The following AKAP6 variants were observed in gnomAD, a reference collection of about 807,000 sequenced individuals.
AKAP6 encodes the protein A-kinase anchor protein 6.
In AKAP6, 58 loss-of-function variants were observed where a neutral mutation model predicts 188.5. That is an observed-to-expected ratio of 0.31 (90% CI 0.25 to 0.38). The LOEUF (loss-of-function observed/expected upper bound fraction) is 0.38, where lower values mean the gene tolerates loss of function less well. Among genes scored for constraint, AKAP6 ranks in the 10% least tolerant of loss-of-function variants. The pLI is 1.00. For missense variants in AKAP6, 2,710 were observed against 2,740.0 expected (o/e 0.99, Z 0.24); for synonymous variants, 989 against 998.6 (o/e 0.99, Z 0.18).
At chr14:32,788,304 C>T (rs2033493167) in intron 12 of AKAP6, among the ~76,000 whole-genome samples, 1 of 152,126 alleles carries the variant, frequency 6.6e-6, no homozygotes, top group South Asian at 2.1e-4. Context: ...GCCTCAGTTT[C>T]TTCATCTGTA....
At chr14:32,747,200 C>T (rs1175847364) in intron 11 of AKAP6, among the ~76,000 whole-genome samples, 3 of 152,174 alleles carry the variant, frequency 2.0e-5, no homozygotes, top group Non-Finnish European at 2.9e-5. Flanking sequence ...CTTCCTCTGA[C>T]CCCAAAACCA....
chr14:32,390,623 T>C (rs1181702757), intron 1 of AKAP6, among the ~76,000 whole-genome samples: 1 of 152,140 alleles, frequency 6.6e-6, no homozygotes, highest in Non-Finnish European at 1.5e-5. Flanking sequence ...ATCTCTCTTC[T>C]GGATCTAGCC....
chr14:32,723,788 A>G (rs1178659866), intron 9 of AKAP6, among the ~76,000 whole-genome samples: 1 of 152,138 alleles, frequency 6.6e-6, no homozygotes, highest in Non-Finnish European at 1.5e-5. Context: ...ACATTTATGC[A>G]TTGTCTTTAT....
chr14:32,452,928 T>C (rs1890987763), intron 2 of AKAP6, among the ~76,000 whole-genome samples: 1 of 152,232 alleles, frequency 6.6e-6, no homozygotes, highest in South Asian at 2.1e-4. Flanking sequence ...ATGAAAGTGC[T>C]ACTGTCACGT....
At chr14:32,330,632 C>T (rs755155083) in intron 1 of AKAP6, among the ~76,000 whole-genome samples, 6 of 148,280 alleles carry the variant, frequency 4.0e-5, no homozygotes, top group Non-Finnish European at 7.4e-5. Context: ...TTGAATTCCT[C>T]TTCTTTTAGT....
intron 4 of AKAP6, among the ~76,000 whole-genome samples, chr14:32,566,529 G>A (rs1279564167): frequency 6.6e-6 from 1 of 152,064 alleles, no homozygotes; most frequent in African/African-American, 2.4e-5. Context: ...AGAAGAATCT[G>A]GGTTATGTGT....
chr14:32,367,785 C>G (rs757402547), intron 1 of AKAP6, among the ~76,000 whole-genome samples: 2 of 152,090 alleles, frequency 1.3e-5, no homozygotes, highest in Non-Finnish European at 2.9e-5. Flanking sequence ...TTTGGATTTT[C>G]TTTCCAATCT....
At chr14:32,577,901 G>A (rs964033740) in intron 5 of AKAP6, among the ~76,000 whole-genome samples, 4 of 152,072 alleles carry the variant, frequency 2.6e-5, no homozygotes, top group African/African-American at 9.7e-5. Context: ...GCTTCAAATG[G>A]CCGATATCAA....
At chr14:32,702,870 C>T (rs936386706) in intron 9 of AKAP6, among the ~76,000 whole-genome samples, 19 of 152,044 alleles carry the variant, frequency 1.2e-4, no homozygotes, top group African/African-American at 4.6e-4. Flanking sequence ...TTCTCAGGGC[C>T]CTCCTTTTGG....
chr14:32,577,256 T>A lies in AKAP6; in HGVS notation c.2469+14T>A. 6.2e-7 allele frequency: 1 copy of A among 1,606,550 alleles called. No individual in the cohort carries two copies. The highest frequency in any genetic ancestry group is 8.5e-7 in the Non-Finnish European group (1 of 1,177,718). On this transcript the variant is annotated intron_variant, in intron 5 of 13. Coordinates refer to ENST00000280979, the MANE Select transcript of AKAP6 (RefSeq NM_004274.5). Reference sequence around the variant, plus strand: ...GAGACACACTTGGTAGGCAAGATTGTGTTGTTCTTGCTGTCAATAATCAAA... The same window carrying A: ...GAGACACACTTGGTAGGCAAGATTGAGTTGTTCTTGCTGTCAATAATCAAA...
At chr14:32,424,143 T>G (rs569695858) in intron 1 of AKAP6, among the ~76,000 whole-genome samples, 1 of 152,292 alleles carries the variant, frequency 6.6e-6, no homozygotes, top group Admixed American at 6.5e-5. Flanking sequence ...TAAGTAAGAG[T>G]GCATGTATTG....
intron 2 of AKAP6, among the ~76,000 whole-genome samples, chr14:32,527,723 A>T (rs990533364): frequency 1.3e-5 from 2 of 151,960 alleles, no homozygotes; most frequent in Non-Finnish European, 2.9e-5. Context: ...CCATCTTTTC[A>T]TATTCTTATT....
chr14:32,778,654 C>T (rs1474947103), intron 12 of AKAP6, among the ~76,000 whole-genome samples: 1 of 151,924 alleles, frequency 6.6e-6, no homozygotes, highest in Admixed American at 6.6e-5. Context: ...GCAAGCAGGT[C>T]TCCTGCCTCA....
intron 1 of AKAP6, among the ~76,000 whole-genome samples, chr14:32,374,745 A>G (rs1356467227): frequency 6.6e-6 from 1 of 152,258 alleles, no homozygotes; most frequent in South Asian, 2.1e-4. Context: ...AGATTGTACT[A>G]TTAACATTTT....
intron 1 of AKAP6, among the ~76,000 whole-genome samples, chr14:32,410,452 G>A (rs114969535): frequency 0.036 from 5,419 of 152,176 alleles, 243 homozygotes; most frequent in African/African-American, 0.11. Context: ...CATCTTAAAT[G>A]TATTTGTTTG....
chr14:32,689,622 G>A (rs1004188505), intron 8 of AKAP6, among the ~76,000 whole-genome samples: 2 of 152,102 alleles, frequency 1.3e-5, no homozygotes, highest in Non-Finnish European at 2.9e-5. Context: ...GATTGTACAT[G>A]CAACTGTGCA....
At chr14:32,542,042 A>G (rs1010803798) in intron 3 of AKAP6, among the ~76,000 whole-genome samples, 2 of 152,178 alleles carry the variant, frequency 1.3e-5, no homozygotes, top group Admixed American at 6.5e-5. Context: ...GCACTCATCC[A>G]TGTACTAGAC....
chr14:32,751,498 C>T (rs1226103067), intron 11 of AKAP6, among the ~76,000 whole-genome samples: 21 of 122,510 alleles, frequency 1.7e-4, no homozygotes, highest in South Asian at 8.0e-4. Context: ...TCTCTTTTCA[C>T]TTTTTTTTTT....
intron 2 of AKAP6, among the ~76,000 whole-genome samples, chr14:32,488,769 T>A (rs758211994): frequency 2.6e-5 from 4 of 151,284 alleles, no homozygotes; most frequent in Non-Finnish European, 4.4e-5. Flanking sequence ...GGGGAGGGAG[T>A]TTCCTGACCC....
Sources: gnomAD v4.1 joint callset for allele counts (sites outside exome capture counted in the v4.1 genomes callset) on GRCh38, gnomAD v4.1.1 for gene constraint, MANE v1.5 for transcripts, NCBI Gene and HGNC (gene_info 2026-07-23, HGNC 2026-07-21) for gene names.